The following TRAPPC9 variants were observed in gnomAD, a reference collection of about 807,000 sequenced individuals.
TRAPPC9 encodes trafficking protein particle complex subunit 9, also known as IKK2 binding protein.
A neutral mutation model predicts 124.0 loss-of-function variants in TRAPPC9; 83 were observed. That is an observed-to-expected ratio of 0.67 (90% confidence interval 0.56 to 0.80). TRAPPC9 has a LOEUF of 0.80. TRAPPC9 is among the 30% of genes least tolerant of loss of function. The pLI is 0.00. For synonymous variants in TRAPPC9, 638 were observed against 617.5 expected (o/e 1.03, Z -0.49); for missense variants, 1,302 against 1,508.3 (o/e 0.86, Z 2.27).
At chr8:139,830,589 C>T (rs1338689037) in intron 21 of TRAPPC9, among the ~76,000 whole-genome samples, 1 of 151,318 alleles carries the variant, frequency 6.6e-6, no homozygotes, top group Non-Finnish European at 1.5e-5. Context: ...CATACACATG[C>T]ACACACCACA....
At chr8:139,732,233 G>C (rs771203931) in intron 21 of TRAPPC9, 31 bp from the exon 22 acceptor site, 24 of 1,539,832 alleles carry the variant, frequency 1.6e-5, no homozygotes, top group Non-Finnish European at 2.1e-5. Context: ...TCGGGGGCTG[G>C]GCTGGCCTGC....
At chr8:140,285,205 C>T (rs947090047) in intron 13 of TRAPPC9, among the ~76,000 whole-genome samples, 8 of 152,202 alleles carry the variant, frequency 5.3e-5, no homozygotes, top group East Asian at 1.9e-4. Flanking sequence ...CCAAGAACTG[C>T]GTGACTAAGG....
intron 17 of TRAPPC9, among the ~76,000 whole-genome samples, chr8:140,029,195 A>G (rs879790521): frequency 2.0e-5 from 3 of 152,228 alleles, no homozygotes; most frequent in Non-Finnish European, 4.4e-5. Flanking sequence ...CCAATTGAAG[A>G]CAAATCAAGA....
At chr8:139,789,328 C>T (rs920000321) in intron 21 of TRAPPC9, among the ~76,000 whole-genome samples, 5 of 152,170 alleles carry the variant, frequency 3.3e-5, no homozygotes, top group Admixed American at 6.5e-5. Context: ...CATGGTCTTC[C>T]CTGCCCACTC....
chr8:140,178,708 T>C (rs1412080876), intron 17 of TRAPPC9, among the ~76,000 whole-genome samples: 1 of 152,150 alleles, frequency 6.6e-6, no homozygotes, highest in Non-Finnish European at 1.5e-5. Context: ...TCCTCTTTAT[T>C]ATAATGTGAT....
chr8:139,900,204 G>T (rs546094910), intron 20 of TRAPPC9, among the ~76,000 whole-genome samples: 1 of 152,344 alleles, frequency 6.6e-6, no homozygotes, highest in Admixed American at 6.5e-5. Context: ...GCCCGTGTGC[G>T]TGTGTGCCTG....
At chr8:140,210,088 C>G (rs894309997) in intron 17 of TRAPPC9, among the ~76,000 whole-genome samples, 1 of 152,242 alleles carries the variant, frequency 6.6e-6, no homozygotes, top group Non-Finnish European at 1.5e-5. Flanking sequence ...CGTCACATCC[C>G]GAGCCTCTGT....
At chr8:139,858,950 G>A (rs765522001) in intron 21 of TRAPPC9, among the ~76,000 whole-genome samples, 1 of 147,780 alleles carries the variant, frequency 6.8e-6, no homozygotes, top group Non-Finnish European at 1.5e-5. Flanking sequence ...CGTCTCCTCT[G>A]CTTCTGCACG....
chr8:140,455,164 G>A (rs992409504), intron 1 of TRAPPC9, among the ~76,000 whole-genome samples: 4 of 151,986 alleles, frequency 2.6e-5, no homozygotes, highest in Non-Finnish European at 5.9e-5. Flanking sequence ...ATGGAGTTTC[G>A]CTCTGTCACC....
chr8:139,781,874 G>A (rs1821846399), intron 21 of TRAPPC9, among the ~76,000 whole-genome samples: 1 of 152,076 alleles, frequency 6.6e-6, no homozygotes, highest in Admixed American at 6.6e-5. Flanking sequence ...GTCAGGAAAA[G>A]AGAAAAATAG....
rs373075806 is a variant in TRAPPC9, at chr8:140,051,293, G to A, written c.2557-27214C>T. On this transcript the variant is annotated intron_variant, in intron 17 of 22. Transcript: ENST00000438773. ...TCAGTGAGCACTGTGGGACCTGCCAGGATGGACAGAGCAGCTCCACACTGG... is the reference window on the plus strand; with the variant it reads ...TCAGTGAGCACTGTGGGACCTGCCAAGATGGACAGAGCAGCTCCACACTGG... Among the ~76,000 whole-genome samples the A allele has an allele frequency of 5.3e-5, 8 of 152,352 alleles. No individual in the cohort carries two copies. The East Asian group carries it at 1.2e-3, about 22-fold the overall frequency.
chr8:140,356,905 C>A (rs115183623), intron 9 of TRAPPC9, among the ~76,000 whole-genome samples: 4,265 of 152,202 alleles, frequency 0.028, 121 homozygotes, highest in African/African-American at 0.073. Context: ...CCACCATGCC[C>A]GGCCAAGAAT....
chr8:139,983,492 G>C (rs1403865220), intron 19 of TRAPPC9, among the ~76,000 whole-genome samples: 1 of 151,582 alleles, frequency 6.6e-6, no homozygotes, highest in Non-Finnish European at 1.5e-5. Flanking sequence ...CTGTTTGTGT[G>C]CTTTTCTTCC....
intron 19 of TRAPPC9, among the ~76,000 whole-genome samples, chr8:139,937,113 G>A (rs916381047): frequency 6.6e-6 from 1 of 152,024 alleles, no homozygotes; most frequent in Non-Finnish European, 1.5e-5. Flanking sequence ...CTGGAGGGGA[G>A]CAAAGTCAGA....
chr8:139,728,538 A>G lies in TRAPPC9; in HGVS notation c.*2523T>C, dbSNP rs970282800. On this transcript the variant is annotated 3_prime_UTR_variant, in exon 23 of 23. Coordinates refer to ENST00000438773, the MANE Select transcript of TRAPPC9 (RefSeq NM_001160372.4). ...TCCTCCATCTCAGCCACTGCCCACA[A>G]ACACAGCTCCACAGCCAGAAAGACC... Among the ~76,000 whole-genome samples, 1 of 152,134 alleles carries G rather than the reference A, an allele frequency of 6.6e-6. No homozygotes were observed. The highest frequency in any genetic ancestry group is 2.4e-5 in the African/African-American group (1 of 41,418).
At chr8:140,399,023 G>A (rs1032117780) in intron 6 of TRAPPC9, among the ~76,000 whole-genome samples, 4 of 152,188 alleles carry the variant, frequency 2.6e-5, no homozygotes, top group African/African-American at 4.8e-5. Flanking sequence ...CATACAGCTC[G>A]GGCCATGGCT....
chr8:140,357,350 C>A (rs975220071), intron 9 of TRAPPC9, among the ~76,000 whole-genome samples: 1 of 152,130 alleles, frequency 6.6e-6, no homozygotes, highest in Non-Finnish European at 1.5e-5. Flanking sequence ...AGGAGTGACA[C>A]TGACGGCTCA....
intron 9 of TRAPPC9, among the ~76,000 whole-genome samples, chr8:140,352,936 T>C (rs1187608348): frequency 6.6e-6 from 1 of 152,160 alleles, no homozygotes; most frequent in East Asian, 1.9e-4. Flanking sequence ...AACAGTGCCA[T>C]CTTATGATAT....
chr8:140,355,154 A>T (rs1339984330), intron 9 of TRAPPC9, among the ~76,000 whole-genome samples: 1 of 152,176 alleles, frequency 6.6e-6, no homozygotes, highest in Admixed American at 6.5e-5. Flanking sequence ...GGACCCCATC[A>T]ATCACAGTGT....
Sources: gnomAD v4.1 joint callset for allele counts (sites outside exome capture counted in the v4.1 genomes callset) on GRCh38, gnomAD v4.1.1 for gene constraint, MANE v1.5 for transcripts, NCBI Gene and HGNC (gene_info 2026-07-23, HGNC 2026-07-21) for gene names.